Variants in FMO5 observed in about 807,000 individuals in gnomAD.
FMO5 encodes flavin-containing monooxygenase 5.
A neutral mutation model predicts 43.6 loss-of-function variants in FMO5; 51 were observed. That is an observed-to-expected ratio of 1.17 (90% CI 0.93 to 1.48). FMO5 has a LOEUF of 1.48. Among genes scored for constraint, FMO5 ranks in the 40% most tolerant of loss-of-function variants. The pLI is 0.00. For missense variants in FMO5, 644 were observed against 643.0 expected (o/e 1.00, Z -0.02); for synonymous variants, 187 against 216.5 (o/e 0.86, Z 1.20).
intron 8 of FMO5, among the ~76,000 whole-genome samples, chr1:147,187,591 T>C (rs1655858009): frequency 6.6e-6 from 1 of 152,120 alleles, no homozygotes. Context: ...CAAAGGACTC[T>C]GATGTTATGA....
chr1:147,213,274 G>A, intron 4 of FMO5, 34 bp downstream of exon 4: 1 of 1,575,074 alleles, frequency 6.3e-7, no homozygotes, highest in Non-Finnish European at 8.6e-7. Context: ...CACAGGCATG[G>A]GTCAAGGGTC....
At chr1:147,189,613 G>A (rs7547138) in intron 8 of FMO5, among the ~76,000 whole-genome samples, 5,619 of 152,214 alleles carry the variant, frequency 0.037, 157 homozygotes, top group South Asian at 0.095. Context: ...TTGAGCTTAA[G>A]TTCTGAAATT....
chr1:147,215,817 C>G lies in FMO5; in HGVS notation c.261G>C (p.Gln87His), dbSNP rs1553924884. The G allele has an allele frequency of 6.2e-7, 1 of 1,613,638 alleles. No homozygotes were observed. The highest frequency in any genetic ancestry group is 1.1e-5 in the South Asian group (1 of 91,036). ...DHYPNFMHNAQVLEYFRMYAK... is the reference protein window; with the variant it reads ...DHYPNFMHNAHVLEYFRMYAK... Reference sequence around the variant, plus strand: ...CATACATCCTGAAATACTCCAGGACCTGGGCATTATGCATGAAGTTGGGAT... The same window carrying G: ...CATACATCCTGAAATACTCCAGGACGTGGGCATTATGCATGAAGTTGGGAT... Residue 87 changes from glutamine (Q) to histidine (H), a missense_variant, in exon 3 of 9, where the codon CAG becomes CAC. Physicochemically the swap from Gln to His is conservative, Grantham distance 24. Transcript: ENST00000254090.
intron 6 of FMO5, chr1:147,204,849 A>G: frequency 6.2e-7 from 1 of 1,601,562 alleles, no homozygotes; most frequent in South Asian, 1.1e-5. Context: ...TTCTATACAC[A>G]GCCTCTTCTA....
chr1:147,186,952 C>T lies in FMO5; in HGVS notation c.1550G>A (p.Gly517Asp). The change falls in exon 9 of 9, where the codon GGC becomes GAC. Residue 517 changes from glycine (G) to aspartate (D), a missense_variant. By Grantham distance (94) the Gly-to-Asp change is moderately conservative. Coordinates refer to ENST00000254090, the MANE Select transcript of FMO5 (RefSeq NM_001461.4). ...GAAGGCAAGAGCTAGCATAAACTTG[C>T]CTATTGTCATTGTTGAAGTCATAGA... is the stretch of plus-strand genomic sequence containing the variant. ...SSSMTSTMTI[G>D]KFMLALAFFA... 6.2e-7 allele frequency: 1 copy of T among 1,614,126 alleles called. No homozygotes were observed. The highest frequency in any genetic ancestry group is 8.5e-7 in the Non-Finnish European group (1 of 1,179,994).
chr1:147,203,973 C>A, intron 6 of FMO5: 1 of 1,216,770 alleles, frequency 8.2e-7, no homozygotes, highest in Non-Finnish European at 1.2e-6. Context: ...AGTCTTCGGA[C>A]ATCCCATTTT....
intron 7 of FMO5, among the ~76,000 whole-genome samples, chr1:147,195,525 G>A (rs1657836159): frequency 6.6e-6 from 1 of 152,138 alleles, no homozygotes; most frequent in Admixed American, 6.5e-5. Context: ...TAGGGGTTAA[G>A]GCCAAGGGGA....
chr1:147,196,516 A>G (rs1190528941), intron 7 of FMO5, among the ~76,000 whole-genome samples: 1 of 151,998 alleles, frequency 6.6e-6, no homozygotes, highest in African/African-American at 2.4e-5. Context: ...AACCCTATCT[A>G]TTACCCTATC....
chr1:147,208,145 T>C (rs1320813276), intron 6 of FMO5, among the ~76,000 whole-genome samples: 1 of 141,218 alleles, frequency 7.1e-6, no homozygotes, highest in African/African-American at 2.7e-5. Context: ...CTCAGAAAGG[T>C]GAGTGTTATT....
downstream of FMO5, among the ~76,000 whole-genome samples, chr1:147,185,423 T>TAA (rs1553916849): frequency 2.8e-4 from 42 of 152,132 alleles, no homozygotes; most frequent in Non-Finnish European, 5.0e-4. Flanking sequence ...CTAGGTCCAT[T>TAA]TTAATAGATG....
At chr1:147,222,195 C>A (rs1351604285) in intron 2 of FMO5, among the ~76,000 whole-genome samples, 1 of 152,142 alleles carries the variant, frequency 6.6e-6, no homozygotes, top group Non-Finnish European at 1.5e-5. Context: ...CATGGTGAAA[C>A]CCCATCTTTA....
intron 2 of FMO5, chr1:147,223,849 C>A: frequency 6.6e-6 from 2 of 304,788 alleles, no homozygotes. Context: ...TTACGCGGGC[C>A]CACAAGCACA....
intron 6 of FMO5, chr1:147,203,697 C>T (rs375805011): frequency 9.3e-6 from 14 of 1,500,060 alleles, no homozygotes; most frequent in Admixed American, 3.4e-5. Flanking sequence ...TCTGTTGCTC[C>T]ACCTCTGGGT....
At chr1:147,206,701 G>A (rs1553922408) in intron 6 of FMO5, among the ~76,000 whole-genome samples, 1 of 152,116 alleles carries the variant, frequency 6.6e-6, no homozygotes, top group South Asian at 2.1e-4. Flanking sequence ...CTCATAGGTG[G>A]GAACTGAACA....
At chr1:147,193,957 G>A (rs1201116241) in intron 7 of FMO5, among the ~76,000 whole-genome samples, 3 of 151,610 alleles carry the variant, frequency 2.0e-5, no homozygotes, top group Non-Finnish European at 4.4e-5. Context: ...TAGGTGTGGT[G>A]TGGTGCTGAA....
At chr1:147,210,942 G>A (rs368786225) in intron 5 of FMO5, 9 of 152,000 alleles carry the variant, frequency 5.9e-5, no homozygotes, top group Non-Finnish European at 8.8e-5. Context: ...AGAATTATAC[G>A]AAAAACTTCC....
At chr1:147,204,951 CG>C in intron 6 of FMO5, 3 of 1,469,764 alleles carry the variant, frequency 2.0e-6, no homozygotes, top group Non-Finnish European at 2.9e-6. Flanking sequence ...TGCAGGAAGC[CG>C]TTCACGTGAC....
In FMO5 at chr1:147,191,454, A is replaced by T. The variant is rs182862999; in HGVS notation, c.1184-1205T>A. ...GGCCAGCGATGATGAGAATTTTTTC[A>T]TGTATTTTTTGGCTGCATAAATGTC... On this transcript the variant is annotated intron_variant, in intron 7 of 8. Coordinates refer to ENST00000254090, the MANE Select transcript of FMO5 (RefSeq NM_001461.4). Among the ~76,000 whole-genome samples the T allele has an allele frequency of 8.4e-3, 1,275 of 152,160 alleles. 8 individuals carry two copies. The highest frequency in any genetic ancestry group is 0.014 in the Non-Finnish European group (943 of 68,014).
intron 2 of FMO5, among the ~76,000 whole-genome samples, chr1:147,222,426 T>A (rs1663199330): frequency 6.6e-6 from 1 of 152,040 alleles, no homozygotes; most frequent in Non-Finnish European, 1.5e-5. Flanking sequence ...CTGATGGGAT[T>A]GGAAGAAGTA....
Sources: gnomAD v4.1 joint callset for allele counts (sites outside exome capture counted in the v4.1 genomes callset) on GRCh38, gnomAD v4.1.1 for gene constraint, MANE v1.5 for transcripts, NCBI Gene and HGNC (gene_info 2026-07-23, HGNC 2026-07-21) for gene names.